Variants in SAMD4B observed in about 807,000 individuals in gnomAD.
SAMD4B encodes the protein protein Smaug homolog 2.
Under a neutral mutation model 74.5 loss-of-function variants are expected in SAMD4B, and 5 were observed. The ratio of observed to expected loss-of-function variants is 0.07; its 90% CI spans 0.04 to 0.14. The LOEUF (loss-of-function observed/expected upper bound fraction) is 0.14, where lower values mean the gene tolerates loss of function less well. Among genes scored for constraint, SAMD4B ranks in the 10% least tolerant of loss-of-function variants. The pLI is 1.00. For missense variants in SAMD4B, 608 were observed against 921.8 expected, an observed-to-expected ratio of 0.66 and a Z score of 4.41; for synonymous variants, 373 against 374.9, an observed-to-expected ratio of 1.00 and a Z score of 0.06.
chr19:39,346,312 A>G (rs2075698046), intron 1 of SAMD4B, among the ~76,000 whole-genome samples: 1 of 152,146 alleles, frequency 6.6e-6, no homozygotes, highest in Non-Finnish European at 1.5e-5. Flanking sequence ...AGTTGGGACA[A>G]TGATGGTGCC....
chr19:39,386,882 T>C (rs2078263933), downstream of SAMD4B: 3 of 923,220 alleles, frequency 3.2e-6, no homozygotes, highest in Admixed American at 5.3e-5. The surrounding 1 kb of genome is among the most constrained non-coding windows in gnomAD (Gnocchi z 6.1). Flanking sequence ...CAGTGAGGGG[T>C]CTGGTCTGAC....
At chr19:39,387,017 T>G, downstream of SAMD4B, 1 of 605,518 alleles carries the variant, frequency 1.7e-6, no homozygotes, top group Admixed American at 2.7e-5. Flanking sequence ...TTGGTTGCCC[T>G]ACACTGTGTG....
At chr19:39,374,317 G>C (rs564293378) in intron 4 of SAMD4B, among the ~76,000 whole-genome samples, 2 of 152,248 alleles carry the variant, frequency 1.3e-5, no homozygotes, top group South Asian at 4.1e-4. Flanking sequence ...GGGATGGACA[G>C]AGGGTATGGA....
chr19:39,355,959 G>A (rs946568217), intron 2 of SAMD4B, among the ~76,000 whole-genome samples: 5 of 152,214 alleles, frequency 3.3e-5, no homozygotes, highest in African/African-American at 4.8e-5. Context: ...GAATAGAGAT[G>A]GGTAAAATCT....
At chr19:39,380,912 G>A in intron 11 of SAMD4B, 78 bp from the exon 12 acceptor site, 1 of 1,539,038 alleles carries the variant, frequency 6.5e-7, no homozygotes, top group Admixed American at 1.9e-5. Flanking sequence ...GTGGGAGAAG[G>A]CCTGTACCAC....
intron 2 of SAMD4B, among the ~76,000 whole-genome samples, chr19:39,354,897 C>T (rs1397855721): frequency 6.6e-6 from 1 of 152,000 alleles, no homozygotes; most frequent in Non-Finnish European, 1.5e-5. Context: ...TTTTCTGAGG[C>T]AGAGTTTCCC....
intron 1 of SAMD4B, among the ~76,000 whole-genome samples, chr19:39,346,388 T>G (rs1031941866): frequency 6.6e-6 from 1 of 152,222 alleles, no homozygotes; most frequent in Non-Finnish European, 1.5e-5. Context: ...TCACCCATGG[T>G]ATCTCTTCTC....
chr19:39,347,763 G>T (rs1218090949), intron 1 of SAMD4B, among the ~76,000 whole-genome samples: 1 of 152,190 alleles, frequency 6.6e-6, no homozygotes, highest in East Asian at 1.9e-4. Context: ...ATAGAAGCGG[G>T]TTCAGGGCAA....
intron 1 of SAMD4B, among the ~76,000 whole-genome samples, chr19:39,346,176 G>A (rs1308395092): frequency 6.6e-6 from 1 of 152,128 alleles, no homozygotes; most frequent in Non-Finnish European, 1.5e-5. Context: ...AGGGGGCTTG[G>A]GCATGTACAG....
chr19:39,382,679 C>G (rs561939250), intron 12 of SAMD4B, among the ~76,000 whole-genome samples: 5 of 152,212 alleles, frequency 3.3e-5, no homozygotes, highest in Admixed American at 1.3e-4. Flanking sequence ...ATAGGAGGCC[C>G]TTTTGAGAAG....
At chr19:39,376,384 CCTGGTAAT>C (rs1319900996) in intron 5 of SAMD4B, 45 bp from the exon 6 acceptor site, 1 of 1,468,224 alleles carries the variant, frequency 6.8e-7, no homozygotes. Flanking sequence ...TTTCCTTTAC[CCTGGTAAT>C]CTGGGCCAAA....
intron 1 of SAMD4B, among the ~76,000 whole-genome samples, chr19:39,345,310 G>T (rs573965115): frequency 6.6e-6 from 1 of 152,270 alleles, no homozygotes; most frequent in Admixed American, 6.5e-5. Flanking sequence ...TACCTACCTT[G>T]AAAGGATCTT....
At chr19:39,382,735 C>T (rs925944784) in intron 12 of SAMD4B, among the ~76,000 whole-genome samples, 1 of 152,170 alleles carries the variant, frequency 6.6e-6, no homozygotes, top group Non-Finnish European at 1.5e-5. Flanking sequence ...ACTTTGCCCC[C>T]ACCTGCCTGG....
At chr19:39,388,422 G>A (rs374830298), downstream of SAMD4B, 13 of 1,613,964 alleles carry the variant, frequency 8.1e-6, no homozygotes, top group Non-Finnish European at 1.1e-5. Context: ...TGCTAGCTTT[G>A]TTCTTCACGT....
Position 39,375,746 on chromosome 19 carries a change from A to G in SAMD4B, c.764A>G (p.Glu255Gly), listed in dbSNP as rs1421232539. 5 of 1,613,978 alleles carry G rather than the reference A, an allele frequency of 3.1e-6. No individual in the cohort carries two copies. Among genetic ancestry groups the G allele is most frequent in the Non-Finnish European group, 4.2e-6 (5 of 1,179,970 alleles). The change falls in exon 5 of 14, where the codon GAG (glutamate) becomes GGG (glycine). Residue 255 changes from glutamate to glycine, a missense_variant. By Grantham distance (98) the Glu-to-Gly change is moderately conservative. Coordinates refer to ENST00000610417, the MANE Select transcript of SAMD4B (RefSeq NM_001384574.2). This position sits in a 1 kb window ranked among gnomAD's most constrained non-coding sequence, Gnocchi z 4.1. ...QVPGEWPSPE[E>G]LGARAAFTTP... Reference sequence around the variant, plus strand: ...CCTGGTGAGTGGCCGAGTCCAGAGGAGCTTGGGGCCCGGGCTGCTTTTACC... The same window carrying G: ...CCTGGTGAGTGGCCGAGTCCAGAGGGGCTTGGGGCCCGGGCTGCTTTTACC...
Position 39,378,422 on chromosome 19 carries a change from T to C in SAMD4B, c.1445-82T>C. The stretch of plus-strand genomic sequence containing the variant: ...CCAGCCTGAGTCTCCTGTTCCTTCT[T>C]GTGCACGAGCCAGCTGGAGGCTGGA... On this transcript the variant is annotated intron_variant, in intron 8 of 13. Transcript: ENST00000610417. This position sits in a 1 kb window ranked among gnomAD's most constrained non-coding sequence, Gnocchi z 4.4. 4.0e-6 allele frequency: 5 copies of C among 1,245,056 alleles called. No individual in the cohort carries two copies. The South Asian group carries it at 6.1e-5, about 15-fold the overall frequency. 77.1% of individuals were successfully genotyped at this position (1,245,056 alleles called of 1,614,324 possible). A position where few individuals can be genotyped will look rare whatever the true frequency, so the allele number is the denominator to read the frequency against.
downstream of SAMD4B, chr19:39,389,891 T>C (rs931947056): frequency 1.8e-5 from 24 of 1,329,964 alleles, no homozygotes; most frequent in East Asian, 5.5e-4. This position sits in a 1 kb window ranked among gnomAD's most constrained non-coding sequence, Gnocchi z 5.3. Flanking sequence ...GTCTGAAAGC[T>C]GGCTCCCCAG....
Position 39,378,469 on chromosome 19 carries a change from G to A in SAMD4B, c.1445-35G>A. 4 of 1,592,400 alleles carry A rather than the reference G, an allele frequency of 2.5e-6. No homozygotes were observed. In the East Asian group the frequency reaches 8.9e-5, roughly 36 times the overall value. On this transcript the variant is annotated intron_variant, in intron 8 of 13. Coordinates refer to ENST00000610417, the MANE Select transcript of SAMD4B (RefSeq NM_001384574.2). This position sits in a 1 kb window ranked among gnomAD's most constrained non-coding sequence, Gnocchi z 4.4. ...TGGAACATGGCAGAGGGCATACTAG[G>A]GGTTAACCTCCTGCCCTTTCTCATG... is the stretch of plus-strand genomic sequence containing the variant.
rs2076360638 is a variant in SAMD4B at position 39,356,680 on chromosome 19, C to T, written c.-205-9C>T. ...TCTTTCTGTTTGACCCCTTTGCTTC[C>T]TTTTTCAGGAAACTGGAGAGGCGTG... On this transcript the variant is annotated splice_polypyrimidine_tract_variant and intron_variant, in intron 2 of 13. Coordinates refer to ENST00000610417, the MANE Select transcript of SAMD4B (RefSeq NM_001384574.2). The T allele has an allele frequency of 2.1e-6, 1 of 483,016 alleles. No individual in the cohort carries two copies. The allele number at this position is 483,016 out of a possible 1,614,324, so 29.9% of individuals were successfully genotyped here. A position where few individuals can be genotyped will look rare whatever the true frequency, so the allele number is the denominator to read the frequency against.
Sources: gnomAD v4.1 joint callset for allele counts (sites outside exome capture counted in the v4.1 genomes callset) on GRCh38, gnomAD v4.1.1 for gene constraint, Gnocchi (gnomAD v3.1) non-coding constraint, MANE v1.5 for transcripts, NCBI Gene and HGNC (gene_info 2026-07-23, HGNC 2026-07-21) for gene names.